NTNG2: variants seen among roughly 807,000 people sequenced by gnomAD.
The protein encoded by NTNG2 is netrin-G2.
In NTNG2, 15 loss-of-function variants were observed where a neutral mutation model predicts 47.6. The observed-to-expected ratio is 0.32, with a 90% CI of 0.21 to 0.49. NTNG2 has a LOEUF of 0.49. Ranked by LOEUF, NTNG2 falls within the 20% of genes least tolerant of loss-of-function variation. NTNG2 has a pLI of 0.99. For missense variants in NTNG2, 578 were observed against 764.6 expected, an observed-to-expected ratio of 0.76 and a Z score of 2.88; for synonymous variants, 307 against 324.6, an observed-to-expected ratio of 0.95 and a Z score of 0.58.
chr9:132,228,325 C>G (rs1475854126), intron 4 of NTNG2, among the ~76,000 whole-genome samples: 1 of 152,242 alleles, frequency 6.6e-6, no homozygotes, highest in East Asian at 1.9e-4. Context: ...CGACAGCACT[C>G]TCGGGTCTTC....
chr9:132,175,370 T>C (rs1055214897), intron 2 of NTNG2, among the ~76,000 whole-genome samples: 2 of 151,920 alleles, frequency 1.3e-5, no homozygotes, highest in African/African-American at 2.4e-5. Context: ...AGGAGGGCAA[T>C]TGAGGGGCAA....
intron 2 of NTNG2, among the ~76,000 whole-genome samples, chr9:132,194,685 T>C (rs1838148452): frequency 6.6e-6 from 1 of 152,244 alleles, no homozygotes; most frequent in African/African-American, 2.4e-5. Flanking sequence ...TATTGGACTC[T>C]ATGGTGAGCT....
intron 2 of NTNG2, among the ~76,000 whole-genome samples, chr9:132,187,146 C>T (rs1302734138): frequency 6.6e-6 from 1 of 152,232 alleles, no homozygotes; most frequent in Non-Finnish European, 1.5e-5. Flanking sequence ...CAGGCCATGC[C>T]CACTGTGGCC....
chr9:132,209,383 C>T (rs544283859), intron 3 of NTNG2, among the ~76,000 whole-genome samples: 2 of 152,246 alleles, frequency 1.3e-5, no homozygotes, highest in South Asian at 4.1e-4. Flanking sequence ...CGAGACTGGG[C>T]GCGGGGAGTC....
chr9:132,223,355 G>C (rs73563327), intron 3 of NTNG2, among the ~76,000 whole-genome samples: 3,426 of 152,268 alleles, frequency 0.022, 129 homozygotes, highest in African/African-American at 0.078. Flanking sequence ...GACAGGGACA[G>C]AGGCGGGACA....
chr9:132,226,766 C>A lies in NTNG2; in HGVS notation c.858-83C>A. 1 of 1,316,730 alleles carries A rather than the reference C, an allele frequency of 7.6e-7. No individual in the cohort carries two copies. Among genetic ancestry groups the A allele is most frequent in the Non-Finnish European group, 1.0e-6 (1 of 982,742 alleles). The allele number at this position is 1,316,730 out of a possible 1,614,324, so 81.6% of individuals were successfully genotyped here. A position where few individuals can be genotyped will look rare whatever the true frequency, so the allele number is the denominator to read the frequency against. On this transcript the variant is annotated intron_variant, in intron 3 of 7. Transcript: ENST00000393229. This position sits in a 1 kb window ranked among gnomAD's most constrained non-coding sequence, Gnocchi z 4.8. Reference sequence around the variant, plus strand: ...AGCCCAACACCCTCCTGGGCCCCTCCTGGGAGGCGCTCCTTTCCCCAGAGG... The same window carrying A: ...AGCCCAACACCCTCCTGGGCCCCTCATGGGAGGCGCTCCTTTCCCCAGAGG...
At chr9:132,239,630 G>C (rs906117856) in intron 6 of NTNG2, among the ~76,000 whole-genome samples, 8 of 150,390 alleles carry the variant, frequency 5.3e-5, no homozygotes, top group Non-Finnish European at 9.0e-5. Flanking sequence ...ATCTGTCTGG[G>C]GCTGGTGTGT....
chr9:132,170,242 A>T (rs188209307), intron 2 of NTNG2, among the ~76,000 whole-genome samples: 8 of 152,320 alleles, frequency 5.3e-5, no homozygotes, highest in Non-Finnish European at 8.8e-5. Context: ...TGAATTGTAA[A>T]TTCCAGCCTT....
At position 132,215,770 on chromosome 9, in the gene NTNG2, G is replaced by A. The variant is rs910177475; in HGVS notation, c.858-11079G>A. ...GTTGGACGGGACAGCATGAATAAGGGGCCCTGCCCTTGGGGTCAGGCACCT... is the reference window on the plus strand; with the variant it reads ...GTTGGACGGGACAGCATGAATAAGGAGCCCTGCCCTTGGGGTCAGGCACCT... On this transcript the variant is annotated intron_variant, in intron 3 of 7. Transcript: ENST00000393229. This position sits in a 1 kb window ranked among gnomAD's most constrained non-coding sequence, Gnocchi z 4.2. 6.6e-6 allele frequency among the ~76,000 whole-genome samples: 1 copy of A among 152,052 alleles called. No homozygotes were observed. The highest frequency in any genetic ancestry group is 1.5e-5 in the Non-Finnish European group (1 of 67,996).
At chr9:132,179,566 T>C (rs1836768968) in intron 2 of NTNG2, among the ~76,000 whole-genome samples, 2 of 152,118 alleles carry the variant, frequency 1.3e-5, no homozygotes, top group African/African-American at 4.8e-5. Flanking sequence ...TGGGTTTTGG[T>C]GGTGTGCTGG....
chr9:132,235,685 G>A (rs936859042), intron 5 of NTNG2, among the ~76,000 whole-genome samples: 9 of 152,094 alleles, frequency 5.9e-5, no homozygotes, highest in Admixed American at 2.0e-4. Context: ...CCCCTCTCTC[G>A]AGCAGGTGGT....
chr9:132,223,579 A>T (rs1434127519), intron 3 of NTNG2, among the ~76,000 whole-genome samples: 2 of 152,110 alleles, frequency 1.3e-5, no homozygotes, highest in Non-Finnish European at 2.9e-5. Flanking sequence ...CTCTGAATGG[A>T]CGAGAGCCAG....
intron 3 of NTNG2, among the ~76,000 whole-genome samples, chr9:132,224,557 C>T (rs1840595083): frequency 6.6e-6 from 1 of 152,182 alleles, no homozygotes; most frequent in Admixed American, 6.5e-5. Context: ...GCTTTGTTGA[C>T]ATTATACTCA....
chr9:132,206,771 C>T (rs992355375), intron 3 of NTNG2, among the ~76,000 whole-genome samples: 1 of 152,288 alleles, frequency 6.6e-6, no homozygotes. Context: ...TCAACTGCAT[C>T]TCCCAGGCCC....
chr9:132,240,313 G>A (rs1029522885), intron 6 of NTNG2, among the ~76,000 whole-genome samples: 2 of 152,210 alleles, frequency 1.3e-5, no homozygotes, highest in African/African-American at 2.4e-5. Context: ...CCAATTAGAG[G>A]TGCCCACACC....
At chr9:132,203,867 C>A (rs1838969825) in intron 3 of NTNG2, among the ~76,000 whole-genome samples, 1 of 152,136 alleles carries the variant, frequency 6.6e-6, no homozygotes, top group African/African-American at 2.4e-5. Context: ...CCAGGAAGCT[C>A]CAGGAAGGCA....
intron 3 of NTNG2, among the ~76,000 whole-genome samples, chr9:132,220,848 C>T (rs530164834): frequency 8.3e-4 from 126 of 152,228 alleles, no homozygotes; most frequent in African/African-American, 2.5e-3. Flanking sequence ...ATTCTTTTTA[C>T]GTGGGTCTCC....
In NTNG2 at chr9:132,241,864, C is replaced by T. The variant is rs768808771; in HGVS notation, c.1358-12C>T. On this transcript the variant is annotated splice_polypyrimidine_tract_variant and intron_variant, in intron 7 of 7. Transcript: ENST00000393229. ...GGCCACCCCCCGTGCTGACCGCCCCCTCCGCCTGCAGCCAACGTGTGCGAC... is the reference window on the plus strand; with the variant it reads ...GGCCACCCCCCGTGCTGACCGCCCCTTCCGCCTGCAGCCAACGTGTGCGAC... 2.6e-6 allele frequency: 4 copies of T among 1,552,056 alleles called. No homozygotes were observed. Among genetic ancestry groups the T allele is most frequent in the Non-Finnish European group, 3.5e-6 (4 of 1,155,376 alleles).
At chr9:132,241,741 C>G (rs1283936571) in intron 7 of NTNG2, 135 bp from the exon 8 acceptor site, 1 of 616,234 alleles carries the variant, frequency 1.6e-6, no homozygotes, top group Non-Finnish European at 2.7e-6. Flanking sequence ...GTTTCGCACC[C>G]AGCGCGCCTG....
Sources: gnomAD v4.1 joint callset for allele counts (sites outside exome capture counted in the v4.1 genomes callset) on GRCh38, gnomAD v4.1.1 for gene constraint, Gnocchi (gnomAD v3.1) non-coding constraint, MANE v1.5 for transcripts, NCBI Gene and HGNC (gene_info 2026-07-23, HGNC 2026-07-21) for gene names.